The following PCDH15 variants were observed in gnomAD, a reference collection of about 807,000 sequenced individuals.
PCDH15 encodes the protein protocadherin related 15, also known as protocadherin-15.
Under a neutral mutation model 178.5 loss-of-function variants are expected in PCDH15, and 129 were observed. The observed-to-expected ratio is 0.72, with a 90% CI of 0.63 to 0.84. The LOEUF is 0.84. PCDH15 is among the 40% of genes least tolerant of loss of function. The pLI, the probability that PCDH15 is intolerant of heterozygous loss-of-function variation, is 0.00. For synonymous variants in PCDH15, 800 were observed against 732.0 expected (o/e 1.09, Z -1.50); for missense variants, 2,230 against 2,099.9 (o/e 1.06, Z -1.21).
intron 2 of PCDH15, among the ~76,000 whole-genome samples, chr10:55,101,830 G>T (rs950323913): frequency 1.3e-5 from 2 of 151,262 alleles, no homozygotes; most frequent in African/African-American, 4.8e-5. Context: ...AAAACTAAGT[G>T]CATTTTCATC....
rs545276505 is a variant in PCDH15 at position 55,059,784 on chromosome 10, G to A, written c.-80+106792C>T. Among the ~76,000 whole-genome samples the A allele has an allele frequency of 1.4e-3, 215 of 152,100 alleles. 1 individual carries two copies. The highest frequency in any genetic ancestry group is 5.0e-3 in the African/African-American group (207 of 41,530). ...ACTTAGCAATTGAAACACAGGCACTGATAAATATTGCTGGACATACAATAA... is the reference window on the plus strand; with the variant it reads ...ACTTAGCAATTGAAACACAGGCACTAATAAATATTGCTGGACATACAATAA... On this transcript the variant is annotated intron_variant, in intron 2 of 5. Coordinates refer to the PCDH15 transcript ENST00000458638.
chr10:55,570,428 C>T (rs1842386824), intron 2 of PCDH15, among the ~76,000 whole-genome samples: 1 of 151,838 alleles, frequency 6.6e-6, no homozygotes, highest in Non-Finnish European at 1.5e-5. Context: ...TAATTTATTA[C>T]TAAAATATTC....
chr10:54,498,563 C>CTTAGAG (rs1259572703), intron 3 of PCDH15, among the ~76,000 whole-genome samples: 6 of 151,918 alleles, frequency 3.9e-5, no homozygotes, highest in Non-Finnish European at 7.4e-5. Context: ...TGCAATGAAA[C>CTTAGAG]CCATAGGCTC....
At chr10:55,150,736 T>TC (rs1838686118) in intron 2 of PCDH15, among the ~76,000 whole-genome samples, 1 of 152,108 alleles carries the variant, frequency 6.6e-6, no homozygotes, top group East Asian at 1.9e-4. Flanking sequence ...AATTAAAATA[T>TC]CTTAAAAAAT....
At chr10:54,153,974 C>G (rs1255358383) in intron 13 of PCDH15, among the ~76,000 whole-genome samples, 2 of 152,116 alleles carry the variant, frequency 1.3e-5, no homozygotes, top group African/African-American at 2.4e-5. Flanking sequence ...GAAAGAAAAT[C>G]TATTCGGAGC....
chr10:54,176,308 A>T (rs912502527), intron 13 of PCDH15, among the ~76,000 whole-genome samples: 1 of 152,196 alleles, frequency 6.6e-6, no homozygotes, highest in South Asian at 2.1e-4. Context: ...AACGCAAGCC[A>T]CAATAAAACA....
chr10:55,139,915 T>C, intron 2 of PCDH15, among the ~76,000 whole-genome samples: 1 of 152,018 alleles, frequency 6.6e-6, no homozygotes, highest in East Asian at 1.9e-4. Flanking sequence ...AGACATTGTG[T>C]CTATAATTAT....
rs1227752630 is a variant in PCDH15, at chr10:54,719,951, T to A, written c.-28-55661A>T. Among the ~76,000 whole-genome samples, 3 of 152,032 alleles carry A rather than the reference T, an allele frequency of 2.0e-5. No individual in the cohort carries two copies. The South Asian group carries it at 6.2e-4, about 31-fold the overall frequency. On this transcript the variant is annotated intron_variant, in intron 1 of 37. Transcript: ENST00000644397. ...TTGATGGGTATTTGGGTTGGTTCCA[T>A]GTCTTTGATATTGTAAATAGTGTAA...
At chr10:55,227,458 G>A (rs960929914) in intron 1 of PCDH15, among the ~76,000 whole-genome samples, 1 of 47,960 alleles carries the variant, frequency 2.1e-5, no homozygotes, top group Non-Finnish European at 4.5e-5. Flanking sequence ...AGGATCTTAA[G>A]GTAAGAATTG....
At chr10:54,757,475 G>A (rs1252591715) in intron 1 of PCDH15, among the ~76,000 whole-genome samples, 1 of 90,498 alleles carries the variant, frequency 1.1e-5, no homozygotes, top group South Asian at 3.1e-4. Context: ...TAGAGACGGG[G>A]TTTCACCGTG....
intron 20 of PCDH15, among the ~76,000 whole-genome samples, chr10:54,018,261 A>G (rs1285217630): frequency 1.3e-5 from 2 of 152,136 alleles, no homozygotes; most frequent in Admixed American, 6.6e-5. Context: ...TAGCTTTGCT[A>G]TTGTAGTACT....
intron 2 of PCDH15, among the ~76,000 whole-genome samples, chr10:54,609,299 T>C (rs1344842475): frequency 1.3e-5 from 2 of 152,026 alleles, no homozygotes; most frequent in African/African-American, 2.4e-5. Context: ...GAGAGGAACA[T>C]GTAGGCTCAT....
chr10:55,230,924 C>A (rs1019551401), intron 1 of PCDH15, among the ~76,000 whole-genome samples: 2 of 151,926 alleles, frequency 1.3e-5, no homozygotes, highest in African/African-American at 4.8e-5. Context: ...AAATGCCCAA[C>A]CAGATATTTT....
intron 3 of PCDH15, among the ~76,000 whole-genome samples, chr10:54,437,937 A>G (rs1380256786): frequency 1.3e-5 from 2 of 152,164 alleles, no homozygotes; most frequent in African/African-American, 2.4e-5. Context: ...TCTTTTTCCC[A>G]TCACTTGAGA....
intron 13 of PCDH15, among the ~76,000 whole-genome samples, chr10:54,171,507 G>C (rs1467779160): frequency 6.6e-6 from 1 of 151,416 alleles, no homozygotes; most frequent in Admixed American, 6.6e-5. Flanking sequence ...ACTATCTTCT[G>C]TCTAGTCATA....
At chr10:55,558,481 G>A (rs1842132677) in intron 2 of PCDH15, among the ~76,000 whole-genome samples, 1 of 152,092 alleles carries the variant, frequency 6.6e-6, no homozygotes, top group Non-Finnish European at 1.5e-5. Context: ...TTAACTCAAA[G>A]AACTCATTTT....
intron 25 of PCDH15, among the ~76,000 whole-genome samples, chr10:53,904,128 T>TA (rs777682831): frequency 1.7e-4 from 26 of 152,160 alleles, no homozygotes; most frequent in South Asian, 4.1e-4. Context: ...AATGACCTTT[T>TA]AAAAAACAAT....
At chr10:53,975,879 C>T (rs997853705) in intron 21 of PCDH15, among the ~76,000 whole-genome samples, 1 of 152,044 alleles carries the variant, frequency 6.6e-6, no homozygotes, top group African/African-American at 2.4e-5. Context: ...CTTAGATTTC[C>T]TTCTAGGATT....
intron 1 of PCDH15, among the ~76,000 whole-genome samples, chr10:55,181,047 G>GT (rs1839635001): frequency 6.6e-6 from 1 of 152,020 alleles, no homozygotes; most frequent in Non-Finnish European, 1.5e-5. Context: ...ACTTTAGATA[G>GT]TGTGGAAAAG....
Sources: gnomAD v4.1 joint callset for allele counts (sites outside exome capture counted in the v4.1 genomes callset) on GRCh38, gnomAD v4.1.1 for gene constraint, MANE v1.5 for transcripts, NCBI Gene and HGNC (gene_info 2026-07-23, HGNC 2026-07-21) for gene names.